Variants in EEFSEC observed in about 807,000 individuals in gnomAD.
EEFSEC encodes eukaryotic elongation factor, selenocysteine-tRNA specific.
In EEFSEC, 43 loss-of-function variants were observed where a neutral mutation model predicts 42.1. The ratio of observed to expected loss-of-function variants is 1.02; its 90% CI spans 0.80 to 1.32. The LOEUF is 1.32. Ranked by LOEUF, EEFSEC falls within the 40% of genes most tolerant of loss-of-function variation. The pLI is 0.00. For synonymous variants in EEFSEC, 354 were observed against 339.1 expected, an observed-to-expected ratio of 1.04 and a Z score of -0.48; for missense variants, 745 against 803.6, an observed-to-expected ratio of 0.93 and a Z score of 0.88.
chr3:128,181,735 T>C (rs2065407976), intron 1 of EEFSEC, among the ~76,000 whole-genome samples: 1 of 152,218 alleles, frequency 6.6e-6, no homozygotes, highest in Non-Finnish European at 1.5e-5. Context: ...TCCTGAGGAA[T>C]AAGAAATGAA....
At chr3:128,166,120 C>T (rs1193711725) in intron 1 of EEFSEC, among the ~76,000 whole-genome samples, 3 of 152,222 alleles carry the variant, frequency 2.0e-5, no homozygotes, top group Admixed American at 1.3e-4. Context: ...ATAAGAAGGA[C>T]TCCATTTCTT....
chr3:128,272,285 T>G (rs1576596737), intron 4 of EEFSEC, among the ~76,000 whole-genome samples: 1 of 152,226 alleles, frequency 6.6e-6, no homozygotes, highest in East Asian at 1.9e-4. Context: ...ACCCCTCCCC[T>G]GGCAGCGGCT....
At chr3:128,383,946 A>G (rs1242843771) in intron 6 of EEFSEC, among the ~76,000 whole-genome samples, 1 of 152,256 alleles carries the variant, frequency 6.6e-6, no homozygotes, top group African/African-American at 2.4e-5. Context: ...GCTTTTCAAG[A>G]CAAACTAGAA....
chr3:128,391,728 C>A (rs1227952247), intron 6 of EEFSEC, among the ~76,000 whole-genome samples: 1 of 152,242 alleles, frequency 6.6e-6, no homozygotes, highest in Non-Finnish European at 1.5e-5. Context: ...GGGTCTTGCA[C>A]CCCCTGGACT....
intron 1 of EEFSEC, among the ~76,000 whole-genome samples, chr3:128,222,025 G>GT (rs60162922): frequency 0.011 from 1,097 of 96,346 alleles, 106 homozygotes; most frequent in African/African-American, 0.043. Context: ...TTTTTTCAAA[G>GT]TTTTTTTTTT....
chr3:128,389,813 G>A (rs2107622551), intron 6 of EEFSEC, among the ~76,000 whole-genome samples: 1 of 152,360 alleles, frequency 6.6e-6, no homozygotes, highest in East Asian at 1.9e-4. Context: ...CAGCAGAATG[G>A]GCAGGGCAGG....
chr3:128,376,673 A>T (rs1258623311), intron 6 of EEFSEC, among the ~76,000 whole-genome samples: 1 of 152,140 alleles, frequency 6.6e-6, no homozygotes, highest in Non-Finnish European at 1.5e-5. Flanking sequence ...TACATCATTC[A>T]TCCTCATTAG....
intron 4 of EEFSEC, among the ~76,000 whole-genome samples, chr3:128,308,330 G>A (rs1467790762): frequency 4.6e-5 from 7 of 152,246 alleles, no homozygotes. Context: ...TAGTGTGTGT[G>A]CCAGGCTGGA....
chr3:128,242,262 T>C (rs550180530), intron 1 of EEFSEC, among the ~76,000 whole-genome samples: 1 of 152,078 alleles, frequency 6.6e-6, no homozygotes, highest in South Asian at 2.1e-4. Context: ...AAGGCTGCAG[T>C]GAGCTATGAT....
At chr3:128,230,398 T>C (rs1313147962) in intron 1 of EEFSEC, among the ~76,000 whole-genome samples, 2 of 152,222 alleles carry the variant, frequency 1.3e-5, no homozygotes, top group East Asian at 3.9e-4. Context: ...CAAGCCATCC[T>C]CCCTCCTCAG....
At chr3:128,192,788 CT>C (rs1188597491) in intron 1 of EEFSEC, among the ~76,000 whole-genome samples, 1 of 152,166 alleles carries the variant, frequency 6.6e-6, no homozygotes, top group Non-Finnish European at 1.5e-5. Flanking sequence ...ACCCCCAATA[CT>C]TTTAGTCTAC....
intron 4 of EEFSEC, among the ~76,000 whole-genome samples, chr3:128,278,591 G>T (rs1576601906): frequency 6.6e-6 from 1 of 152,364 alleles, no homozygotes; most frequent in East Asian, 1.9e-4. Context: ...TGTGCTGTTG[G>T]TGGCTCCAAC....
chr3:128,200,097 GCTACGTTTAT>G (rs1559865594), intron 1 of EEFSEC, among the ~76,000 whole-genome samples: 2 of 151,838 alleles, frequency 1.3e-5, no homozygotes, highest in Admixed American at 6.6e-5. Flanking sequence ...AAATCTCAGG[GCTACGTTTAT>G]CTTACGACTT....
At chr3:128,243,230 C>T (rs186664504) in intron 1 of EEFSEC, among the ~76,000 whole-genome samples, 2 of 152,292 alleles carry the variant, frequency 1.3e-5, no homozygotes, top group Non-Finnish European at 2.9e-5. Context: ...CCTTTTGGAA[C>T]AAAGACGGCT....
chr3:128,305,736 CA>C (rs1301800253), intron 4 of EEFSEC, among the ~76,000 whole-genome samples: 1 of 152,088 alleles, frequency 6.6e-6, no homozygotes, highest in Non-Finnish European at 1.5e-5. Flanking sequence ...TAAGAACTTG[CA>C]ATTGCATTTA....
chr3:128,338,354 A>AGGT, intron 4 of EEFSEC, among the ~76,000 whole-genome samples: 1 of 152,162 alleles, frequency 6.6e-6, no homozygotes, highest in South Asian at 2.1e-4. Context: ...AGTTATCGAT[A>AGGT]ATGTAGTTCA....
intron 1 of EEFSEC, among the ~76,000 whole-genome samples, chr3:128,178,072 AAATAATGTACCAT>A (rs1469871916): frequency 6.6e-6 from 1 of 152,242 alleles, no homozygotes; most frequent in Admixed American, 6.5e-5. Flanking sequence ...GCTCATGGCA[AAATAATGTACCAT>A]AATAAATGCA....
intron 4 of EEFSEC, among the ~76,000 whole-genome samples, chr3:128,266,294 G>A (rs1038212926): frequency 6.6e-6 from 1 of 152,148 alleles, no homozygotes; most frequent in Admixed American, 6.5e-5. Flanking sequence ...CGCTGGGTGA[G>A]AGGGCCATGA....
At chr3:128,355,235 G>A (rs1460996867) in intron 5 of EEFSEC, among the ~76,000 whole-genome samples, 1 of 152,200 alleles carries the variant, frequency 6.6e-6, no homozygotes, top group Non-Finnish European at 1.5e-5. Context: ...TAGGTCAGCT[G>A]TCAGGGATAA....
Sources: allele counts gnomAD v4.1 joint callset (sites outside exome capture counted in the v4.1 genomes callset), GRCh38; gene constraint gnomAD v4.1.1; transcripts MANE v1.5; gene names NCBI Gene and HGNC (gene_info 2026-07-23, HGNC 2026-07-21).